The following IP6K3 variants were observed in gnomAD, a reference collection of about 807,000 sequenced individuals.
The protein encoded by IP6K3 is inositol hexakisphosphate kinase 3.
A neutral mutation model predicts 28.8 loss-of-function variants in IP6K3; 20 were observed. The observed-to-expected ratio is 0.70, with a 90% confidence interval of 0.49 to 1.01. IP6K3 has a LOEUF of 1.01. IP6K3 is among the 50% of genes least tolerant of loss of function. The pLI is 0.00. For synonymous variants in IP6K3, 213 were observed against 221.3 expected, an observed-to-expected ratio of 0.96 and a Z score of 0.33; for missense variants, 480 against 537.1, an observed-to-expected ratio of 0.89 and a Z score of 1.05.
chr6:33,731,161 A>T (rs1420925950), intron 2 of IP6K3, among the ~76,000 whole-genome samples: 1 of 152,170 alleles, frequency 6.6e-6, no homozygotes, highest in Non-Finnish European at 1.5e-5. Flanking sequence ...GTTCCTGGGG[A>T]ACCCCGAGGC....
Position 33,735,307 on chromosome 6 carries a change from G to C in IP6K3, c.170C>G (p.Ala57Gly). The C allele has an allele frequency of 6.2e-7, 1 of 1,611,748 alleles. No homozygotes were observed. The highest frequency in any genetic ancestry group is 8.5e-7 in the Non-Finnish European group (1 of 1,179,166). The change falls in exon 2 of 6, where the codon GCC (alanine) becomes GGC (glycine). Residue 57 changes from alanine to glycine, a missense_variant. Transcript: ENST00000293756. ...GTACTGTGGGGTGAACCGCTTCATG[G>C]CCAGCGGCAGGGATTCATAGAACCT... The part of the protein sequence containing the change: ...EQRFYESLPL[A>G]MKRFTPQYKG...
Position 33,722,998 on chromosome 6 carries a change from A to G in IP6K3, c.955T>C (p.Tyr319His). ...AGGAGAGAGCTGGAATAGAAGCGGT[A>G]TGAACTCTGGCTCCTAATGACAGAG... ...LLSVIRSQSS[Y>H]RFYSSSLLVI... Residue 319 changes from tyrosine to histidine, a missense_variant, in exon 6 of 6, where the codon TAC becomes CAC. Coordinates refer to ENST00000293756, the MANE Select transcript of IP6K3 (RefSeq NM_054111.5). 2 of 1,614,098 alleles carry G rather than the reference A, an allele frequency of 1.2e-6. No individual in the cohort carries two copies. Among genetic ancestry groups the G allele is most frequent in the Non-Finnish European group, 1.7e-6 (2 of 1,180,020 alleles).
At chr6:33,756,248 G>A in the IP6K3 span, among the ~76,000 whole-genome samples, 3 of 152,214 alleles carry the variant, frequency 2.0e-5, no homozygotes, top group South Asian at 2.1e-4. Flanking sequence ...ATGATGGGGT[G>A]TATTGGGGGT....
chr6:33,735,814 CT>C (rs1766503602), intron 1 of IP6K3, among the ~76,000 whole-genome samples, 159 bp from the exon 2 acceptor site: 1 of 152,192 alleles, frequency 6.6e-6, no homozygotes, highest in African/African-American at 2.4e-5. Flanking sequence ...CTGGAATAAT[CT>C]GTCATGAGAA....
At chr6:33,731,485 A>G (rs1181268413) in intron 2 of IP6K3, among the ~76,000 whole-genome samples, 1 of 152,210 alleles carries the variant, frequency 6.6e-6, no homozygotes, top group Non-Finnish European at 1.5e-5. Context: ...CAAAACCAAT[A>G]AAATCCAAAA....
Position 33,732,831 on chromosome 6 carries a change from AC to A in IP6K3, c.199+2446del, listed in dbSNP as rs566532812. Among the ~76,000 whole-genome samples, 373 of 152,292 alleles carry A rather than the reference AC, an allele frequency of 2.4e-3. 2 individuals are homozygous for A. Among genetic ancestry groups the A allele is most frequent in the African/African-American group, 8.5e-3 (353 of 41,546 alleles). On this transcript the variant is annotated intron_variant, in intron 2 of 5. Transcript: ENST00000293756. Reference sequence around the variant, plus strand: ...GCTTTGCTTAGCAGCAGCCTACACCACCCGAGAGCCCTTTCAGGGACTCTTC... The same window carrying A: ...GCTTTGCTTAGCAGCAGCCTACACCACCGAGAGCCCTTTCAGGGACTCTTC...
chr6:33,759,822 A>G, the IP6K3 span, among the ~76,000 whole-genome samples: 667 of 152,006 alleles, frequency 4.4e-3, 2 homozygotes, highest in Middle Eastern at 0.017. Context: ...GTAGTGAGCC[A>G]AGATTGCGCC....
upstream of IP6K3, among the ~76,000 whole-genome samples, chr6:33,751,191 G>C (rs62398922): frequency 0.055 from 8,309 of 152,244 alleles, 324 homozygotes; most frequent in Non-Finnish European, 0.085. This position sits in a 1 kb window ranked among gnomAD's most constrained non-coding sequence, Gnocchi z 4.3. Flanking sequence ...CTGCTGGCCT[G>C]ACCTGGCCCC....
At chr6:33,749,925 C>G (rs1766997983), upstream of IP6K3, among the ~76,000 whole-genome samples, 1 of 152,090 alleles carries the variant, frequency 6.6e-6, no homozygotes, top group African/African-American at 2.4e-5. Flanking sequence ...CATCCTAGGC[C>G]AGCCCTTAGA....
In IP6K3 at chr6:33,746,387, C is replaced by T. The variant is rs1003873700; in HGVS notation, c.-180+371G>A. Among the ~76,000 whole-genome samples, 5 of 152,136 alleles carry T rather than the reference C, an allele frequency of 3.3e-5. No individual in the cohort carries two copies. The highest frequency in any genetic ancestry group is 2.0e-4 in the Admixed American group (3 of 15,288). On this transcript the variant is annotated intron_variant, in intron 1 of 5. Transcript: ENST00000293756. The surrounding 1 kb of genome is among the most constrained non-coding windows in gnomAD (Gnocchi z 6.5). ...CTCTGTTAAGGGTTAACGCAGCCCC[C>T]GGTACTTGCCCCTCCCCCCAGCTTC...
At chr6:33,724,109 C>G (rs2090369584) in intron 5 of IP6K3, among the ~76,000 whole-genome samples, 1 of 152,162 alleles carries the variant, frequency 6.6e-6, no homozygotes, top group African/African-American at 2.4e-5. Context: ...TCATAGAAAA[C>G]CAGTGTTGAA....
intron 1 of IP6K3, among the ~76,000 whole-genome samples, chr6:33,739,649 C>T (rs561583488): frequency 3.3e-5 from 5 of 152,374 alleles, no homozygotes; most frequent in African/African-American, 9.6e-5. Flanking sequence ...CCATTCCTCA[C>T]GGGCAAGTCC....
At chr6:33,738,165 G>T (rs1766594204) in intron 1 of IP6K3, among the ~76,000 whole-genome samples, 1 of 152,168 alleles carries the variant, frequency 6.6e-6, no homozygotes, top group East Asian at 2.0e-4. Context: ...CCCAGGCAGA[G>T]AAACTTTTGG....
chr6:33,726,777 G>A lies in IP6K3; in HGVS notation c.543C>T (p.Ala181=). 1 of 1,609,452 alleles carries A rather than the reference G, an allele frequency of 6.2e-7. No individual in the cohort carries two copies. The highest frequency in any genetic ancestry group is 8.5e-7 in the Non-Finnish European group (1 of 1,176,730). The change falls in exon 4 of 6, where the codon GCC becomes GCT. Residue 181 remains alanine (A), a synonymous_variant. Coordinates refer to ENST00000293756, the MANE Select transcript of IP6K3 (RefSeq NM_054111.5). The part of the protein sequence containing the change: ...FNPWGLQCHQ[A]HLTRLCSEYP... ...ACTCGGAGCACAGGCGGGTCAGGTG[G>A]GCCTGGTGGCATTGCAGGCCCCACG...
At chr6:33,739,311 C>T (rs907915254) in intron 1 of IP6K3, 2 of 152,030 alleles carry the variant, frequency 1.3e-5, no homozygotes, top group African/African-American at 4.8e-5. Flanking sequence ...GAAACTGAGG[C>T]CCTTTCTCTT....
intron 4 of IP6K3, 103 bp downstream of exon 4, chr6:33,726,628 T>C (rs1766122419): frequency 1.7e-6 from 2 of 1,200,230 alleles, no homozygotes; most frequent in Admixed American, 4.9e-5. Flanking sequence ...CTACCCTCCA[T>C]TGGCCCCGTG....
At chr6:33,735,220 G>C in intron 2 of IP6K3, 58 bp downstream of exon 2, 1 of 1,463,858 alleles carries the variant, frequency 6.8e-7, no homozygotes, top group Non-Finnish European at 9.5e-7. Context: ...GGGTGCATTG[G>C]ATGAGCCGGC....
intron 1 of IP6K3, chr6:33,739,335 G>A (rs6923565): frequency 0.11 from 16,379 of 152,128 alleles, 1,149 homozygotes; most frequent in African/African-American, 0.19. Context: ...GGTCAGCCTA[G>A]GATGTAGATT....
At chr6:33,743,974 A>G (rs1766818983) in intron 1 of IP6K3, among the ~76,000 whole-genome samples, 1 of 152,056 alleles carries the variant, frequency 6.6e-6, no homozygotes, top group South Asian at 2.1e-4. Flanking sequence ...CCACTGACAA[A>G]TGTACTTAGC....
Sources: gnomAD v4.1 joint callset for allele counts (sites outside exome capture counted in the v4.1 genomes callset) on GRCh38, gnomAD v4.1.1 for gene constraint, Gnocchi (gnomAD v3.1) non-coding constraint, MANE v1.5 for transcripts, NCBI Gene and HGNC (gene_info 2026-07-23, HGNC 2026-07-21) for gene names.